The following ATMIN variants were observed in gnomAD, a reference collection of about 807,000 sequenced individuals.
ATMIN encodes ATM INteracting protein.
A neutral mutation model predicts 49.2 loss-of-function variants in ATMIN; 24 were observed. That is an observed-to-expected ratio of 0.49 (90% confidence interval 0.35 to 0.69). ATMIN has a LOEUF of 0.69. Ranked by LOEUF, ATMIN falls within the 30% of genes least tolerant of loss-of-function variation. ATMIN has a pLI of 0.00. For missense variants in ATMIN, 1,037 were observed against 1,005.5 expected (o/e 1.03, Z -0.42); for synonymous variants, 450 against 392.5 (o/e 1.15, Z -1.73).
rs779799952 is a variant in ATMIN at position 81,044,040 on chromosome 16, C to T, written c.1542C>T (p.Cys514=). Residue 514 remains cysteine (C), a synonymous_variant, in exon 4 of 4, where the codon TGC becomes TGT. Coordinates refer to ENST00000299575, the MANE Select transcript of ATMIN (RefSeq NM_015251.3). ...TACAGATGGACCAAGCTGGAATGTGCGGAGACATTTTTGAGAGTGTTCATT... is the reference window on the plus strand; with the variant it reads ...TACAGATGGACCAAGCTGGAATGTGTGGAGACATTTTTGAGAGTGTTCATT... ...DHVQMDQAGM[C]GDIFESVHSS... 2.0e-5 allele frequency: 33 copies of T among 1,613,994 alleles called. No homozygotes were observed. Among genetic ancestry groups the T allele is most frequent in the South Asian group, 9.9e-5 (9 of 91,074 alleles).
In ATMIN at chr16:81,044,185, G is replaced by A. The variant is rs972173960; in HGVS notation, c.1687G>A (p.Ala563Thr). The change falls in exon 4 of 4, where the codon GCA (alanine) becomes ACA (threonine). Residue 563 changes from alanine to threonine, a missense_variant. By Grantham distance (58) the Ala-to-Thr change is moderately conservative. Transcript: ENST00000299575. ...KTLNQDIEKS[A>T]PIINFSAQNS... ...TTTAAATCAAGATATTGAGAAATCT[G>A]CACCAATTATAAATTTCAGTGCACA... 7 of 1,613,978 alleles carry A rather than the reference G, an allele frequency of 4.3e-6. No individual in the cohort carries two copies. Among genetic ancestry groups the A allele is most frequent in the Non-Finnish European group, 5.9e-6 (7 of 1,179,982 alleles).
intron 1 of ATMIN, chr16:81,040,456 C>T (rs1453434429): frequency 6.6e-6 from 1 of 152,152 alleles, no homozygotes; most frequent in African/African-American, 2.4e-5. Flanking sequence ...CTTCAGTGGT[C>T]TCTTACCCAG....
rs1227283775 is a variant in ATMIN at position 81,035,948 on chromosome 16, G to A, written c.78G>A (p.Thr26=). The A allele has an allele frequency of 8.9e-6, 9 of 1,013,576 alleles. No homozygotes were observed. The highest frequency in any genetic ancestry group is 1.1e-5 in the Non-Finnish European group (9 of 850,086). 62.8% of individuals were successfully genotyped at this position (1,013,576 alleles called of 1,614,324 possible). A position where few individuals can be genotyped will look rare whatever the true frequency, so the allele number is the denominator to read the frequency against. Residue 26 remains threonine, a synonymous_variant, in exon 1 of 4, where the codon ACG becomes ACA. Coordinates refer to ENST00000299575, the MANE Select transcript of ATMIN (RefSeq NM_015251.3). The part of the protein sequence containing the change: ...AAGARAVPAA[T]TGAAAAASGP... ...GTGCCCGGGCCGTCCCGGCGGCCACGACAGGAGCCGCCGCCGCCGCCTCGG... is the reference window on the plus strand; with the variant it reads ...GTGCCCGGGCCGTCCCGGCGGCCACAACAGGAGCCGCCGCCGCCGCCTCGG...
chr16:81,041,306 G>T (rs1206388321), intron 1 of ATMIN, 50 bp from the exon 2 acceptor site: 1 of 1,570,152 alleles, frequency 6.4e-7, no homozygotes, highest in Non-Finnish European at 8.6e-7. Context: ...ACTCCAGCCT[G>T]TTGTGTTGTT....
At chr16:81,038,800 TTTTG>T (rs902875730) in intron 1 of ATMIN, among the ~76,000 whole-genome samples, 11 of 152,090 alleles carry the variant, frequency 7.2e-5, no homozygotes, top group Non-Finnish European at 1.3e-4. Flanking sequence ...ACATTGTTCT[TTTTG>T]TTTGTTTGTT....
In ATMIN at chr16:81,037,385, G is replaced by T. The variant is rs560643562; in HGVS notation, c.336+1179G>T. On this transcript the variant is annotated intron_variant, in intron 1 of 3. Transcript: ENST00000299575. The stretch of plus-strand genomic sequence containing the variant: ...CTAGTAGGACAGATGTGTCGCCAAT[G>T]AAGAGTGATCTGCTCTTACCACCAT... 8 of 985,436 alleles carry T rather than the reference G, an allele frequency of 8.1e-6. No homozygotes were observed. In the East Asian group the frequency reaches 9.1e-4, roughly 112 times the overall value. 61.0% of individuals were successfully genotyped at this position (985,436 alleles called of 1,614,324 possible). A position where few individuals can be genotyped will look rare whatever the true frequency, so the allele number is the denominator to read the frequency against.
At chr16:81,036,691 T>TA (rs1970942493) in intron 1 of ATMIN, among the ~76,000 whole-genome samples, 4 of 152,332 alleles carry the variant, frequency 2.6e-5, no homozygotes, top group Middle Eastern at 3.4e-3. Flanking sequence ...CCCAGTGGAC[T>TA]GTATGTGCCA....
At position 81,044,956 on chromosome 16, in the gene ATMIN, G is replaced by T. The variant is rs765004287; in HGVS notation, c.2458G>T (p.Val820Phe). ...CCAGACTTCTGCGGAACCACACACA[G>T]TCTCCAACTTCTAAAACTAACGGTG... ...ETQTSAEPHT[V>F]SNF Residue 820 changes from valine (V) to phenylalanine (F), a missense_variant, in exon 4 of 4, where the codon GTC (valine) becomes TTC (phenylalanine). Val to Phe is a conservative substitution (Grantham distance 50). Coordinates refer to ENST00000299575, the MANE Select transcript of ATMIN (RefSeq NM_015251.3). 4.3e-6 allele frequency: 7 copies of T among 1,611,860 alleles called. No homozygotes were observed. The highest frequency in any genetic ancestry group is 1.1e-5 in the South Asian group (1 of 90,976).
rs1461938008 is a variant in ATMIN, at chr16:81,035,906, C to A, written c.36C>A (p.Ser12=). Residue 12 remains serine, a synonymous_variant, in exon 1 of 4, where the codon TCC becomes TCA. Coordinates refer to ENST00000299575, the MANE Select transcript of ATMIN (RefSeq NM_015251.3). The part of the protein sequence containing the change: ...AASEAAAAAG[S]AALAAGARAV... ...CGGAGGCGGCGGCGGCGGCGGGGTC[C>A]GCGGCTCTGGCGGCGGGTGCCCGGG... The A allele has an allele frequency of 4.1e-6, 4 of 984,506 alleles. No individual in the cohort carries two copies. The highest frequency in any genetic ancestry group is 4.8e-6 in the Non-Finnish European group (4 of 830,628). 61.0% of individuals were successfully genotyped at this position (984,506 alleles called of 1,614,324 possible).
chr16:81,043,605 C>T lies in ATMIN; in HGVS notation c.1107C>T (p.Phe369=). Residue 369 remains phenylalanine (F), a synonymous_variant, in exon 4 of 4, where the codon TTC becomes TTT. Coordinates refer to ENST00000299575, the MANE Select transcript of ATMIN (RefSeq NM_015251.3). ...CTCTTAAGGAGAGCCTACCTCTTTT[C>T]AAAATTGCTAATCCTATTGCTGGTG... The part of the protein sequence containing the change: ...ACSLKESLPL[F]KIANPIAGEP... The T allele has an allele frequency of 6.2e-7, 1 of 1,614,158 alleles. No individual in the cohort carries two copies.
chr16:81,043,248 A>G lies in ATMIN; in HGVS notation c.750A>G (p.Gln250=). The change falls in exon 4 of 4, where the codon CAA becomes CAG. Residue 250 remains glutamine, a synonymous_variant. Coordinates refer to ENST00000299575, the MANE Select transcript of ATMIN (RefSeq NM_015251.3). ...AGACCATTGAATCATTGAACAACCA[A>G]CCAATCCCTAGACCAGACACTCAAG... The part of the protein sequence containing the change: ...SNKTIESLNN[Q]PIPRPDTQEL... The G allele has an allele frequency of 1.2e-6, 2 of 1,614,142 alleles. No homozygotes were observed. Among genetic ancestry groups the G allele is most frequent in the Non-Finnish European group, 1.7e-6 (2 of 1,180,018 alleles).
intron 1 of ATMIN, among the ~76,000 whole-genome samples, chr16:81,039,066 G>C (rs1050156770): frequency 6.6e-6 from 1 of 152,176 alleles, no homozygotes. Context: ...AAAGTACTGG[G>C]ATTACAAGAG....
rs764129234 is a variant in ATMIN at position 81,044,735 on chromosome 16, C to T, written c.2237C>T (p.Ser746Phe). ...SDTETQTEGV[S>F]TAKNIPALES... ...ACAGAGACCCAAACTGAAGGAGTCT[C>T]CACTGCTAAAAATATACCTGCTCTA... Residue 746 changes from serine (S) to phenylalanine (F), a missense_variant, in exon 4 of 4, where the codon TCC (serine) becomes TTC (phenylalanine). Ser to Phe is a radical substitution (Grantham distance 155). Transcript: ENST00000299575. 4 of 1,614,062 alleles carry T rather than the reference C, an allele frequency of 2.5e-6. No homozygotes were observed. The highest frequency in any genetic ancestry group is 2.7e-5 in the African/African-American group (2 of 74,906).
chr16:81,042,684 A>T (rs1311212257), intron 3 of ATMIN, among the ~76,000 whole-genome samples: 1 of 151,954 alleles, frequency 6.6e-6, no homozygotes, highest in Non-Finnish European at 1.5e-5. Context: ...TGTTCCCCCT[A>T]TTTTTTTCTG....
intron 1 of ATMIN, chr16:81,037,423 G>A (rs1970958442): frequency 7.1e-6 from 7 of 985,444 alleles, no homozygotes; most frequent in Non-Finnish European, 7.2e-6. Flanking sequence ...AAACCGGGAT[G>A]CAACAACGTT....
At chr16:81,037,308 A>G (rs1970956084) in intron 1 of ATMIN, 2 of 985,370 alleles carry the variant, frequency 2.0e-6, no homozygotes, top group Non-Finnish European at 2.4e-6. Flanking sequence ...GTCTGCCCAT[A>G]GTCAGGCTTC....
Position 81,036,113 on chromosome 16 carries a change from G to GACCAACATCCTGTGCACCGTGCGC in ATMIN, c.244_267dup (p.Thr82_Arg89dup). On this transcript the variant is annotated inframe_insertion, in exon 1 of 4. Coordinates refer to ENST00000299575, the MANE Select transcript of ATMIN (RefSeq NM_015251.3). ...TGAGCGAGCTGTCCCGGGCCGTGCGGACCAACATCCTGTGCACCGTGCGCG... is the reference window on the plus strand; with the variant it reads ...TGAGCGAGCTGTCCCGGGCCGTGCGGACCAACATCCTGTGCACCGTGCGCACCAACATCCTGTGCACCGTGCGCG... 1 of 1,436,604 alleles carries GACCAACATCCTGTGCACCGTGCGC rather than the reference G, an allele frequency of 7.0e-7. No homozygotes were observed. The allele number at this position is 1,436,604 out of a possible 1,614,324, so 89.0% of individuals were successfully genotyped here.
rs2050616256 is a variant in ATMIN, at chr16:81,035,959, C to T, written c.89C>T (p.Ala30Val). 9.7e-7 allele frequency: 1 copy of T among 1,031,872 alleles called. No individual in the cohort carries two copies. The highest frequency in any genetic ancestry group is 1.2e-6 in the Non-Finnish European group (1 of 861,648). The allele number at this position is 1,031,872 out of a possible 1,614,324, so 63.9% of individuals were successfully genotyped here. Reference protein sequence around the residue: ...RAVPAATTGAAAAASGPWVPP... With the variant: ...RAVPAATTGAVAAASGPWVPP... ...GTCCCGGCGGCCACGACAGGAGCCG[C>T]CGCCGCCGCCTCGGGCCCGTGGGTG... Residue 30 changes from alanine to valine, a missense_variant, in exon 1 of 4, where the codon GCC (alanine) becomes GTC (valine). Transcript: ENST00000299575.
chr16:81,036,261 C>CCCGGCGCCGGCGCGCGAAG (rs1555524347), intron 1 of ATMIN, 55 bp downstream of exon 1: 87 of 1,189,148 alleles, frequency 7.3e-5, no homozygotes, highest in Non-Finnish European at 8.5e-5. Context: ...CAACAAAGCG[C>CCCGGCGCCGGCGCGCGAAG]CCGGCGCCGG....
Sources: allele counts gnomAD v4.1 joint callset (sites outside exome capture counted in the v4.1 genomes callset), GRCh38; gene constraint gnomAD v4.1.1; transcripts MANE v1.5; gene names NCBI Gene and HGNC (gene_info 2026-07-23, HGNC 2026-07-21).